SPAG17: variants seen among roughly 807,000 people sequenced by gnomAD.
The protein encoded by SPAG17 is sperm associated antigen 17, also known as sperm-associated antigen 17.
Under a neutral mutation model 273.6 loss-of-function variants are expected in SPAG17, and 169 were observed. The ratio of observed to expected loss-of-function variants is 0.62; its 90% CI spans 0.55 to 0.70. The LOEUF is 0.70. Ranked by LOEUF, SPAG17 falls within the 30% of genes least tolerant of loss-of-function variation. SPAG17 has a pLI of 0.00. For synonymous variants in SPAG17, 825 were observed against 873.2 expected (o/e 0.94, Z 0.97); for missense variants, 2,557 against 2,627.8 (o/e 0.97, Z 0.59).
intron 18 of SPAG17, among the ~76,000 whole-genome samples, chr1:118,063,057 A>G (rs1271478442): frequency 3.3e-5 from 5 of 152,246 alleles, no homozygotes; most frequent in Non-Finnish European, 7.3e-5. Context: ...AAGGAGAACT[A>G]CAAACCAGTG....
At chr1:118,050,085 A>G (rs953575264) in intron 20 of SPAG17, among the ~76,000 whole-genome samples, 1 of 152,192 alleles carries the variant, frequency 6.6e-6, no homozygotes, top group Non-Finnish European at 1.5e-5. Flanking sequence ...GAACGCCTCA[A>G]GTAAGCATGT....
chr1:118,157,728 C>T (rs1232379367), intron 1 of SPAG17, among the ~76,000 whole-genome samples: 18 of 152,320 alleles, frequency 1.2e-4, no homozygotes. Flanking sequence ...TGTCCCTGGG[C>T]AAGTTACTTA....
chr1:118,047,000 T>A (rs1356292840), intron 20 of SPAG17, among the ~76,000 whole-genome samples: 2 of 152,328 alleles, frequency 1.3e-5, no homozygotes, highest in East Asian at 3.9e-4. Context: ...CTGCTAAACG[T>A]GTGTTCATCA....
intron 3 of SPAG17, among the ~76,000 whole-genome samples, chr1:118,142,371 C>T (rs1658729093): frequency 6.6e-6 from 1 of 151,988 alleles, no homozygotes; most frequent in South Asian, 2.1e-4. Flanking sequence ...TTCAGTTTTG[C>T]AAGATGAAAA....
rs1651787478 is a variant in SPAG17 at position 117,953,983 on chromosome 1, T to C, written c.*67A>G. 1.3e-6 allele frequency: 2 copies of C among 1,592,058 alleles called. No individual in the cohort carries two copies. Among genetic ancestry groups the C allele is most frequent in the Non-Finnish European group, 1.7e-6 (2 of 1,167,462 alleles). Reference sequence around the variant, plus strand: ...GATGATGGAGTATGTTGTGATGACTTCTTTCCTTTCTCATCCTCTGTAGGC... The same window carrying C: ...GATGATGGAGTATGTTGTGATGACTCCTTTCCTTTCTCATCCTCTGTAGGC... On this transcript the variant is annotated 3_prime_UTR_variant, in exon 49 of 49. Transcript: ENST00000336338.
At chr1:117,973,268 C>G (rs1035838438) in intron 44 of SPAG17, among the ~76,000 whole-genome samples, 157 bp downstream of exon 44, 1 of 151,956 alleles carries the variant, frequency 6.6e-6, no homozygotes, top group Non-Finnish European at 1.5e-5. Context: ...ATGGTAGATA[C>G]GGTCAATAGC....
At chr1:118,076,206 G>A (rs2102121834) in intron 15 of SPAG17, 1 of 152,118 alleles carries the variant, frequency 6.6e-6, no homozygotes, top group African/African-American at 2.4e-5. Context: ...TTATTCTGTG[G>A]CAAGCATAAG....
At chr1:118,142,798 GCAGTCTGGTTTGGTTCCATACTTTTAAC>G (rs1157149624) in intron 3 of SPAG17, among the ~76,000 whole-genome samples, 3 of 152,126 alleles carry the variant, frequency 2.0e-5, no homozygotes, top group Non-Finnish European at 4.4e-5. Context: ...ATGATCCCAG[GCAGTCTGGTTTGGTTCCATACTTTTAAC>G]CACTAGGTAT....
At chr1:118,055,671 A>G (rs1403248697) in intron 19 of SPAG17, 62 bp downstream of exon 19, 33 of 1,310,392 alleles carry the variant, frequency 2.5e-5, no homozygotes, top group Non-Finnish European at 2.9e-5. Context: ...TCTTGATTAA[A>G]TTAAGAGAGA....
chr1:118,035,583 T>C (rs1648984016), intron 24 of SPAG17, among the ~76,000 whole-genome samples: 1 of 152,142 alleles, frequency 6.6e-6, no homozygotes, highest in Admixed American at 6.5e-5. Context: ...TCAAACTCAG[T>C]AGAGTACTAG....
chr1:118,101,995 T>C (rs1656101370), intron 4 of SPAG17, 69 bp from the exon 5 acceptor site: 5 of 1,293,176 alleles, frequency 3.9e-6, no homozygotes, highest in Non-Finnish European at 5.4e-6. Context: ...TACTGCCAGG[T>C]GAATTAATTC....
At chr1:117,992,690 A>G (rs771401995) in intron 35 of SPAG17, 42 bp from the exon 36 acceptor site, 1 of 1,457,068 alleles carries the variant, frequency 6.9e-7, no homozygotes, top group Non-Finnish European at 9.1e-7. Flanking sequence ...AAGAAATCAG[A>G]ATGTTTTCAC....
chr1:118,142,751 GC>G (rs890303836), intron 3 of SPAG17, among the ~76,000 whole-genome samples: 1 of 152,160 alleles, frequency 6.6e-6, no homozygotes, highest in African/African-American at 2.4e-5. Context: ...TGTAACTCGT[GC>G]AAGATTACAC....
At chr1:117,976,350 C>A (rs1399791554) in intron 43 of SPAG17, among the ~76,000 whole-genome samples, 4 of 152,186 alleles carry the variant, frequency 2.6e-5, no homozygotes, top group African/African-American at 4.8e-5. Context: ...GAGTGAAGAA[C>A]CAGTAGTGGT....
rs1651779073 is a variant in SPAG17, at chr1:117,953,887, C to T, written c.*163G>A. ...GCTTTTTGGCACTCTATTCGCACGTCTTTATTAAACAGATTGAAGCTATTT... is the reference window on the plus strand; with the variant it reads ...GCTTTTTGGCACTCTATTCGCACGTTTTTATTAAACAGATTGAAGCTATTT... On this transcript the variant is annotated 3_prime_UTR_variant, in exon 49 of 49. Coordinates refer to ENST00000336338, the MANE Select transcript of SPAG17 (RefSeq NM_206996.4). The T allele has an allele frequency of 6.1e-6, 5 of 822,782 alleles. No individual in the cohort carries two copies. In the South Asian group the frequency reaches 9.1e-5, roughly 15 times the overall value. 51.0% of individuals were successfully genotyped at this position (822,782 alleles called of 1,614,324 possible).
At chr1:118,009,248 AACACACACACACAC>A (rs55873088) in intron 30 of SPAG17, among the ~76,000 whole-genome samples, 14 of 142,690 alleles carry the variant, frequency 9.8e-5, no homozygotes, top group South Asian at 2.3e-4. Context: ...AGGTGCTCAT[AACACACACACACAC>A]ACACACACAC....
chr1:118,066,867 A>G lies in SPAG17; in HGVS notation c.2418T>C (p.Cys806=), dbSNP rs756781007. The G allele has an allele frequency of 2.5e-6, 4 of 1,613,504 alleles. No homozygotes were observed. The Admixed American group carries it at 5.0e-5, about 20-fold the overall frequency. ...CTTGGGTGTGGTAGTAAGAATCAACACACCTATATTGCTTATGGGCTTCTT... is the reference window on the plus strand; with the variant it reads ...CTTGGGTGTGGTAGTAAGAATCAACGCACCTATATTGCTTATGGGCTTCTT... ...VLQEAHKQYR[C]VDSYYHTQDN... The change falls in exon 18 of 49, where the codon TGT becomes TGC. Residue 806 remains cysteine (C), a synonymous_variant. Transcript: ENST00000336338.
chr1:118,172,616 CCTATAAGATGT>C (rs1463546842), intron 1 of SPAG17, among the ~76,000 whole-genome samples: 1 of 152,142 alleles, frequency 6.6e-6, no homozygotes, highest in African/African-American at 2.4e-5. Context: ...CTAAACTCTA[CCTATAAGATGT>C]CTAAAGAACC....
At chr1:118,143,202 G>A (rs1452334040) in intron 3 of SPAG17, among the ~76,000 whole-genome samples, 3 of 152,194 alleles carry the variant, frequency 2.0e-5, no homozygotes, top group Non-Finnish European at 2.9e-5. Flanking sequence ...GAACTACTGA[G>A]AGATTTAAAG....
Sources: allele counts gnomAD v4.1 joint callset (sites outside exome capture counted in the v4.1 genomes callset), GRCh38; gene constraint gnomAD v4.1.1; transcripts MANE v1.5; gene names NCBI Gene and HGNC (gene_info 2026-07-23, HGNC 2026-07-21).